Variants in AIF1L observed in about 807,000 individuals in gnomAD.
AIF1L encodes allograft inflammatory factor 1 like.
A neutral mutation model predicts 20.7 loss-of-function variants in AIF1L; 12 were observed. The observed-to-expected ratio is 0.58, with a 90% CI of 0.37 to 0.94. The LOEUF (loss-of-function observed/expected upper bound fraction) is 0.94, where lower values mean the gene tolerates loss of function less well. AIF1L is among the 40% of genes least tolerant of loss of function. The pLI, the probability that AIF1L is intolerant of heterozygous loss-of-function variation, is 0.01. For synonymous variants in AIF1L, 76 were observed against 65.1 expected (o/e 1.17, Z -0.81); for missense variants, 173 against 185.3 (o/e 0.93, Z 0.39).
chr9:131,115,907 G>T (rs1212901272), intron 4 of AIF1L, among the ~76,000 whole-genome samples: 6 of 151,228 alleles, frequency 4.0e-5, no homozygotes, highest in Admixed American at 4.0e-4. Flanking sequence ...CCAGGAGGTG[G>T]AGGTTGCAGT....
chr9:131,098,731 T>C (rs934262507), intron 2 of AIF1L, among the ~76,000 whole-genome samples: 1 of 152,154 alleles, frequency 6.6e-6, no homozygotes, highest in African/African-American at 2.4e-5. Context: ...TGGGCAGCAC[T>C]GGGACTAGGG....
intron 4 of AIF1L, 148 bp from the exon 5 acceptor site, chr9:131,117,608 G>T: frequency 1.3e-6 from 1 of 755,290 alleles, no homozygotes. Context: ...AAAGAGAGCA[G>T]GGAGGGCGTG....
intron 2 of AIF1L, among the ~76,000 whole-genome samples, chr9:131,101,842 C>T (rs1311278049): frequency 6.6e-6 from 1 of 152,148 alleles, no homozygotes; most frequent in Non-Finnish European, 1.5e-5. Flanking sequence ...CCCAATGGTC[C>T]AGCCCTCCTG....
intron 2 of AIF1L, chr9:131,102,986 G>A (rs1327714114): frequency 2.2e-6 from 1 of 456,398 alleles, no homozygotes; most frequent in Admixed American, 2.3e-5. Flanking sequence ...GAAGGTGCTA[G>A]AGGTACCAGC....
chr9:131,105,238 C>A (rs1226732230), intron 2 of AIF1L, among the ~76,000 whole-genome samples: 1 of 152,246 alleles, frequency 6.6e-6, no homozygotes, highest in African/African-American at 2.4e-5. Context: ...CGGGCTCCCC[C>A]ATCCCCTACC....
chr9:131,104,214 C>A (rs1463197561), intron 2 of AIF1L, among the ~76,000 whole-genome samples: 1 of 152,178 alleles, frequency 6.6e-6, no homozygotes, highest in African/African-American at 2.4e-5. Context: ...CTTTCAGGGC[C>A]CAGAGGCCCC....
Position 131,096,831 on chromosome 9 carries a change from C to G in AIF1L, c.61C>G (p.Arg21Gly), listed in dbSNP as rs867484060. The G allele has an allele frequency of 6.5e-7, 1 of 1,538,894 alleles. No individual in the cohort carries two copies. The highest frequency in any genetic ancestry group is 8.7e-7 in the Non-Finnish European group (1 of 1,143,356). ...GGKAFGLLKA[R>G]QERRLAEINR... ...GAAGGCGTTCGGCTTGCTCAAAGCC[C>G]GGCAGGAGAGGAGGCTGGCCGAGAT... The change falls in exon 2 of 6, where the codon CGG becomes GGG. Residue 21 changes from arginine (R) to glycine (G), a missense_variant. By Grantham distance (125) the Arg-to-Gly change is moderately radical. Coordinates refer to ENST00000247291, the MANE Select transcript of AIF1L (RefSeq NM_031426.4).
intron 2 of AIF1L, 106 bp from the exon 3 acceptor site, chr9:131,111,491 C>T (rs899134537): frequency 1.3e-5 from 13 of 1,009,428 alleles, no homozygotes; most frequent in South Asian, 2.8e-5. Flanking sequence ...TGGGTCTGGT[C>T]GCACCTGGTT....
At chr9:131,114,819 C>T (rs1830972754) in intron 4 of AIF1L, among the ~76,000 whole-genome samples, 1 of 152,076 alleles carries the variant, frequency 6.6e-6, no homozygotes, top group African/African-American at 2.4e-5. Context: ...CCTACTGCTT[C>T]CCTCCCCACC....
intron 2 of AIF1L, among the ~76,000 whole-genome samples, chr9:131,102,416 G>A (rs900869543): frequency 3.9e-5 from 6 of 152,286 alleles, no homozygotes; most frequent in African/African-American, 1.2e-4. Flanking sequence ...CTGCCCAGGC[G>A]AATGTATGCA....
intron 2 of AIF1L, 84 bp from the exon 3 acceptor site, chr9:131,111,513 G>T (rs1003891781): frequency 7.7e-7 from 1 of 1,293,444 alleles, no homozygotes. Context: ...CCCGATAGGA[G>T]GGAAGGCCCC....
intron 2 of AIF1L, chr9:131,106,347 C>G: frequency 9.6e-7 from 1 of 1,040,020 alleles, no homozygotes. Flanking sequence ...AACCTACATT[C>G]TAGCCGGGGA....
intron 2 of AIF1L, among the ~76,000 whole-genome samples, chr9:131,109,103 G>A (rs1830816797): frequency 6.6e-6 from 1 of 152,176 alleles, no homozygotes; most frequent in Non-Finnish European, 1.5e-5. Context: ...TTCAGGATAA[G>A]GACCTTGTCA....
intron 2 of AIF1L, among the ~76,000 whole-genome samples, chr9:131,100,515 C>T (rs1199987694): frequency 2.6e-5 from 4 of 152,198 alleles, no homozygotes; most frequent in Non-Finnish European, 5.9e-5. Flanking sequence ...TTGAACCCAG[C>T]CTATTTTCTC....
chr9:131,109,181 C>A (rs1303734741), intron 2 of AIF1L, among the ~76,000 whole-genome samples: 2 of 126,664 alleles, frequency 1.6e-5, no homozygotes, highest in Non-Finnish European at 3.3e-5. Context: ...TGTGTCCCCC[C>A]AGAATGTTGA....
chr9:131,100,488 G>A (rs1023567503), intron 2 of AIF1L, among the ~76,000 whole-genome samples: 1 of 152,192 alleles, frequency 6.6e-6, no homozygotes, highest in Admixed American at 6.5e-5. Flanking sequence ...AACTGCCTGG[G>A]TTTAAACAGC....
At position 131,106,887 on chromosome 9, in the gene AIF1L, G is replaced by C. The variant is rs545978399; in HGVS notation, c.94-4710G>C. 1.3e-3 allele frequency among the ~76,000 whole-genome samples: 201 copies of C among 152,322 alleles called. 2 individuals are homozygous for C. Among genetic ancestry groups the C allele is most frequent in the African/African-American group, 4.4e-3 (182 of 41,558 alleles). ...GAGGCAGTCGGATCACCTGAGGTCA[G>C]GAATTTGAGACCGAACTGCTCCATA... On this transcript the variant is annotated intron_variant, in intron 2 of 5. Coordinates refer to ENST00000247291, the MANE Select transcript of AIF1L (RefSeq NM_031426.4).
chr9:131,096,588 G>A lies in AIF1L; in HGVS notation c.-42G>A. On this transcript the variant is annotated 5_prime_UTR_variant, in exon 1 of 6. Transcript: ENST00000247291. Reference sequence around the variant, plus strand: ...CTGTGCCTCCTCCTCGTCCCTCGCCGCGTCCGCGAAGCCTGGAGCCGGCGG... The same window carrying A: ...CTGTGCCTCCTCCTCGTCCCTCGCCACGTCCGCGAAGCCTGGAGCCGGCGG... The A allele has an allele frequency of 6.7e-7, 1 of 1,483,832 alleles. No individual in the cohort carries two copies. The highest frequency in any genetic ancestry group is 8.9e-7 in the Non-Finnish European group (1 of 1,125,456). The allele number at this position is 1,483,832 out of a possible 1,614,324, so 91.9% of individuals were successfully genotyped here. A position where few individuals can be genotyped will look rare whatever the true frequency, so the allele number is the denominator to read the frequency against.
intron 2 of AIF1L, among the ~76,000 whole-genome samples, chr9:131,106,006 A>G (rs1384516056): frequency 2.0e-5 from 3 of 152,070 alleles, no homozygotes; most frequent in African/African-American, 7.2e-5. Flanking sequence ...TTTTGTAGAG[A>G]TGGGATCTCC....
Sources: allele counts gnomAD v4.1 joint callset (sites outside exome capture counted in the v4.1 genomes callset), GRCh38; gene constraint gnomAD v4.1.1; transcripts MANE v1.5; gene names NCBI Gene and HGNC (gene_info 2026-07-23, HGNC 2026-07-21).